Variants in PKD1 observed in about 807,000 individuals in gnomAD.
PKD1 encodes the protein polycystin-1.
In PKD1, 81 loss-of-function variants were observed where a neutral mutation model predicts 361.7. That is an observed-to-expected ratio of 0.22 (90% CI 0.19 to 0.27). The LOEUF is 0.27. Ranked by LOEUF, PKD1 falls within the 10% of genes least tolerant of loss-of-function variation. The pLI, the probability that PKD1 is intolerant of heterozygous loss-of-function variation, is 1.00. For synonymous variants in PKD1, 3,615 were observed against 2,818.3 expected (o/e 1.28, Z -8.95); for missense variants, 6,399 against 6,118.3 (o/e 1.05, Z -1.53).
At position 2,112,157 on chromosome 16, in the gene PKD1, T is replaced by G. The variant is rs113429875; in HGVS notation, c.3295+183A>C. Among the ~76,000 whole-genome samples the G allele has an allele frequency of 3.3e-5, 5 of 152,200 alleles. 1 individual carries two copies. Among genetic ancestry groups the G allele is most frequent in the African/African-American group, 1.2e-4 (5 of 41,528 alleles). The stretch of plus-strand genomic sequence containing the variant: ...GGGGGCGCAGTTCAGGGGCCCAGCT[T>G]CCCTGTCCACTCCCCCCACGCCTGG... On this transcript the variant is annotated intron_variant, in intron 14 of 45. Transcript: ENST00000262304.
chr16:2,115,870 T>C, intron 9 of PKD1, 122 bp downstream of exon 9: 1 of 1,183,412 alleles, frequency 8.5e-7, no homozygotes, highest in East Asian at 2.5e-5. Context: ...GAACCCCTGC[T>C]CTGTCCACCT....
chr16:2,132,913 C>T (rs1344717218), intron 1 of PKD1, among the ~76,000 whole-genome samples: 1 of 150,416 alleles, frequency 6.6e-6, no homozygotes, highest in African/African-American at 2.5e-5. Flanking sequence ...GAAACCCTGT[C>T]TCTACTAAAA....
At position 2,102,456 on chromosome 16, in the gene PKD1, G is replaced by A. The variant is rs912041041; in HGVS notation, c.9126C>T (p.Val3042=). ...PLEETSPRQA[V]CLTRHLTAFG... is the part of the protein sequence containing the mutation. The stretch of plus-strand genomic sequence containing the variant: ...AGGCGGTGAGGTGGCGGGTGAGGCA[G>A]ACGGCCTGGCGGGGCGAGGTCTCCT... The change falls in exon 25 of 46, where the codon GTC becomes GTT. Residue 3042 remains valine, a synonymous_variant. Transcript: ENST00000262304. The A allele has an allele frequency of 1.3e-6, 2 of 1,553,820 alleles. No homozygotes were observed. Among genetic ancestry groups the A allele is most frequent in the African/African-American group, 1.4e-5 (1 of 73,242 alleles).
intron 1 of PKD1, among the ~76,000 whole-genome samples, chr16:2,131,651 T>C (rs2092881570): frequency 6.6e-6 from 1 of 150,676 alleles, no homozygotes; most frequent in Non-Finnish European, 1.5e-5. Context: ...AAACCCCATC[T>C]CTACTAAAAA....
At position 2,090,411 on chromosome 16, in the gene PKD1, G is replaced by A. The variant is rs370390453; in HGVS notation, c.12318C>T (p.Leu4106=). The A allele has an allele frequency of 5.6e-6, 9 of 1,612,530 alleles. No individual in the cohort carries two copies. Among genetic ancestry groups the A allele is most frequent in the East Asian group, 4.5e-5 (2 of 44,890 alleles). ...WGALRLGAVI[L]RWRYHALRGE... ...CACGCAAGGCGTGGTAGCGCCAGCG[G>A]AGAATAACAGCCCCCAGCCGTAGGG... Residue 4106 remains leucine (L), a synonymous_variant, in exon 45 of 46, where the codon CTC becomes CTT. Coordinates refer to ENST00000262304, the MANE Select transcript of PKD1 (RefSeq NM_001009944.3).
At chr16:2,113,393 G>A in intron 11 of PKD1, 101 bp from the exon 12 acceptor site, 4 of 1,165,778 alleles carry the variant, frequency 3.4e-6, no homozygotes, top group Non-Finnish European at 4.9e-6. Flanking sequence ...GTCCCACGCG[G>A]GGCACAGAGG....
intron 1 of PKD1, among the ~76,000 whole-genome samples, chr16:2,126,676 G>A (rs539391216): frequency 1.3e-5 from 2 of 152,388 alleles, no homozygotes; most frequent in African/African-American, 4.8e-5. Flanking sequence ...GGCCCAGACA[G>A]CAGCGGGATG....
chr16:2,113,496 T>C (rs2092572871), intron 11 of PKD1, among the ~76,000 whole-genome samples: 1 of 152,116 alleles, frequency 6.6e-6, no homozygotes, highest in African/African-American at 2.4e-5. Context: ...GTAGTACTAC[T>C]AATGCCTCAA....
At position 2,110,131 on chromosome 16, in the gene PKD1, C is replaced by T. The variant is rs756419129; in HGVS notation, c.5036G>A (p.Ser1679Asn). 2 of 1,609,448 alleles carry T rather than the reference C, an allele frequency of 1.2e-6. No individual in the cohort carries two copies. ...WRDRGPALAG[S>N]GKGFSLTVLE... ...CACGGTGAGCGAGAAGCCTTTGCCGCTGCCGGCCAGGGCCGGGCCCCTGTC... is the reference window on the plus strand; with the variant it reads ...CACGGTGAGCGAGAAGCCTTTGCCGTTGCCGGCCAGGGCCGGGCCCCTGTC... Residue 1679 changes from serine (S) to asparagine (N), a missense_variant, in exon 15 of 46, where the codon AGC becomes AAC. Ser to Asn is a conservative substitution (Grantham distance 46, BLOSUM62 1). Coordinates refer to ENST00000262304, the MANE Select transcript of PKD1 (RefSeq NM_001009944.3).
chr16:2,126,036 G>T (rs969161610), intron 1 of PKD1, among the ~76,000 whole-genome samples: 1 of 151,744 alleles, frequency 6.6e-6, no homozygotes, highest in Non-Finnish European at 1.5e-5. Flanking sequence ...GGCCATCTGC[G>T]CCCGGCTGTG....
At position 2,100,359 on chromosome 16, in the gene PKD1, G is replaced by T; in HGVS notation, c.9568+37C>A. ...AGGCTCGCAGGGCGCCCCAATGCGG[G>T]GGCAGAGGGGCAGAGCTTGGCAGGG... On this transcript the variant is annotated intron_variant, in intron 27 of 45. Transcript: ENST00000262304. This position sits in a 1 kb window ranked among gnomAD's most constrained non-coding sequence, Gnocchi z 4.4. The T allele has an allele frequency of 6.2e-6, 10 of 1,610,310 alleles. No homozygotes were observed. Among genetic ancestry groups the T allele is most frequent in the Non-Finnish European group, 8.5e-6 (10 of 1,179,034 alleles).
chr16:2,089,359 G>A lies in PKD1; in HGVS notation c.*368C>T, dbSNP rs751313275. The A allele has an allele frequency of 2.2e-5, 8 of 356,294 alleles. No individual in the cohort carries two copies. Among genetic ancestry groups the A allele is most frequent in the East Asian group, 1.6e-4 (3 of 18,824 alleles). 22.1% of individuals were successfully genotyped at this position (356,294 alleles called of 1,614,324 possible). ...GGTAATAACTTAGGGGCAGGGTGGCGGCGGTGCAGGCTAACCCTCCCTGAA... is the reference window on the plus strand; with the variant it reads ...GGTAATAACTTAGGGGCAGGGTGGCAGCGGTGCAGGCTAACCCTCCCTGAA... On this transcript the variant is annotated 3_prime_UTR_variant, in exon 46 of 46. Coordinates refer to ENST00000262304, the MANE Select transcript of PKD1 (RefSeq NM_001009944.3).
rs1291454362 is a variant in PKD1, at chr16:2,107,130, G to A, written c.7066-182C>T. On this transcript the variant is annotated intron_variant, in intron 16 of 45. Coordinates refer to ENST00000262304, the MANE Select transcript of PKD1 (RefSeq NM_001009944.3). ...CCACCTTCCAACTTGGACGGCGGAA[G>A]GGCATACACAGGGCAGAGGACACTG... is the stretch of plus-strand genomic sequence containing the variant. 2.7e-5 allele frequency: 18 copies of A among 678,442 alleles called. 1 individual carries two copies. The highest frequency in any genetic ancestry group is 3.8e-4 in the Middle Eastern group (1 of 2,632). The allele number at this position is 678,442 out of a possible 1,614,324, so 42.0% of individuals were successfully genotyped here. A position where few individuals can be genotyped will look rare whatever the true frequency, so the allele number is the denominator to read the frequency against.
intron 1 of PKD1, chr16:2,120,316 AG>A (rs1225228221): frequency 6.3e-6 from 1 of 158,834 alleles, no homozygotes; most frequent in Non-Finnish European, 1.4e-5. Context: ...AAATAAAATT[AG>A]AAAACAAACT....
intron 6 of PKD1, 111 bp from the exon 7 acceptor site, chr16:2,117,164 T>C (rs1181674963): frequency 4.4e-6 from 3 of 682,890 alleles, no homozygotes; most frequent in African/African-American, 3.6e-5. Flanking sequence ...ATGGGGAAAC[T>C]GAGGCTCAGA....
Position 2,115,544 on chromosome 16 carries a change from C to T in PKD1, c.1931G>A (p.Gly644Glu). ...GATGTTGGCTCCAGGGCACCAGCGT[C>T]CCCCTGGCATGCACGCGGGGGCCAG... is the stretch of plus-strand genomic sequence containing the variant. ...TQLAPACMPGGRWCPGANICL... is the reference protein window; with the variant it reads ...TQLAPACMPGERWCPGANICL... Residue 644 changes from glycine to glutamate, a missense_variant, in exon 10 of 46, where the codon GGA (glycine) becomes GAA (glutamate). Transcript: ENST00000262304. 1 of 1,588,754 alleles carries T rather than the reference C, an allele frequency of 6.3e-7. No homozygotes were observed. The highest frequency in any genetic ancestry group is 8.6e-7 in the Non-Finnish European group (1 of 1,165,322).
In PKD1 at chr16:2,108,978, A is replaced by G; in HGVS notation, c.6189T>C (p.Tyr2063=). ...LVLEVQDAVQ[Y]VALQSGPCFT... ...AGCAGGGGCCGCTCTGCAGGGCCACATACTGGACGGCGTCCTGAACCTCCA... is the reference window on the plus strand; with the variant it reads ...AGCAGGGGCCGCTCTGCAGGGCCACGTACTGGACGGCGTCCTGAACCTCCA... The change falls in exon 15 of 46, where the codon TAT becomes TAC. Residue 2063 remains tyrosine, a synonymous_variant. Transcript: ENST00000262304. The G allele has an allele frequency of 6.2e-7, 1 of 1,610,176 alleles. No individual in the cohort carries two copies. The highest frequency in any genetic ancestry group is 1.3e-5 in the African/African-American group (1 of 74,984).
At chr16:2,105,211 G>A (rs1184481999) in intron 21 of PKD1, 111 bp downstream of exon 21, 5 of 1,025,338 alleles carry the variant, frequency 4.9e-6, no homozygotes, top group East Asian at 5.2e-5. Flanking sequence ...GCAGGAAGGA[G>A]CCCAGGCTGG....
chr16:2,129,370 C>A (rs1161884562), intron 1 of PKD1, among the ~76,000 whole-genome samples: 2 of 151,258 alleles, frequency 1.3e-5, no homozygotes, highest in East Asian at 2.0e-4. Flanking sequence ...CTCCTGGCCT[C>A]AAGCCATCTG....
Sources: gnomAD v4.1 joint callset for allele counts (sites outside exome capture counted in the v4.1 genomes callset) on GRCh38, gnomAD v4.1.1 for gene constraint, Gnocchi (gnomAD v3.1) non-coding constraint, MANE v1.5 for transcripts, NCBI Gene and HGNC (gene_info 2026-07-23, HGNC 2026-07-21) for gene names.